Variants in STEAP4 observed in about 807,000 individuals in gnomAD.
The protein encoded by STEAP4 is metalloreductase STEAP4.
A neutral mutation model predicts 43.6 loss-of-function variants in STEAP4; 36 were observed. The observed-to-expected ratio is 0.83, with a 90% confidence interval of 0.63 to 1.09. STEAP4 has a LOEUF of 1.09. Ranked by LOEUF, STEAP4 falls within the 50% of genes least tolerant of loss-of-function variation. The probability of loss-of-function intolerance (pLI) is 0.00; values close to 1 mark genes in which losing one functional copy is unlikely to be tolerated. For synonymous variants in STEAP4, 191 were observed against 196.7 expected (o/e 0.97, Z 0.24); for missense variants, 495 against 546.5 (o/e 0.91, Z 0.94).
intron 1 of STEAP4, among the ~76,000 whole-genome samples, chr7:88,300,673 C>CT (rs942874804): frequency 7.3e-5 from 11 of 151,700 alleles, no homozygotes; most frequent in South Asian, 4.2e-4. Context: ...CAAATCAGGA[C>CT]TTTTTTTTTC....
chr7:88,274,119 C>T lies in STEAP4; in HGVS notation c.*5279G>A, dbSNP rs1173491881. 6.6e-6 allele frequency: 1 copy of T among 152,182 alleles called. No homozygotes were observed. The highest frequency in any genetic ancestry group is 1.5e-5 in the Non-Finnish European group (1 of 68,042). The allele number at this position is 152,182 out of a possible 1,614,324, so 9.4% of individuals were successfully genotyped here. A position where few individuals can be genotyped will look rare whatever the true frequency, so the allele number is the denominator to read the frequency against. On this transcript the variant is annotated 3_prime_UTR_variant, in exon 5 of 5. Coordinates refer to ENST00000380079, the MANE Select transcript of STEAP4 (RefSeq NM_024636.4). The stretch of plus-strand genomic sequence containing the variant: ...GCCTGGAGTCAGACTGCCTAGATCC[C>T]AGCTCTGCCTCTCATTAGTTGTGTG...
intron 1 of STEAP4, among the ~76,000 whole-genome samples, chr7:88,300,251 G>A (rs1055760499): frequency 3.3e-5 from 5 of 152,094 alleles, no homozygotes; most frequent in African/African-American, 9.7e-5. Context: ...CTCTGTCGCC[G>A]AAGCTGGAGT....
At chr7:88,296,429 A>G (rs1413896611) in intron 1 of STEAP4, among the ~76,000 whole-genome samples, 1 of 152,170 alleles carries the variant, frequency 6.6e-6, no homozygotes, top group Non-Finnish European at 1.5e-5. Flanking sequence ...AAACTGTTTA[A>G]GATGTGACAG....
chr7:88,304,544 T>A (rs575616609), intron 1 of STEAP4, among the ~76,000 whole-genome samples: 13 of 152,164 alleles, frequency 8.5e-5, no homozygotes, highest in Non-Finnish European at 1.8e-4. Flanking sequence ...ACTAGCAAAT[T>A]ACCTTCTCAG....
intron 1 of STEAP4, among the ~76,000 whole-genome samples, chr7:88,295,484 T>C (rs1418756166): frequency 6.6e-6 from 1 of 152,138 alleles, no homozygotes; most frequent in Non-Finnish European, 1.5e-5. Flanking sequence ...GGGTAGAGCC[T>C]GGGCACTTTT....
intron 1 of STEAP4, among the ~76,000 whole-genome samples, chr7:88,287,668 G>A (rs1852759807): frequency 6.6e-6 from 1 of 152,192 alleles, no homozygotes; most frequent in Non-Finnish European, 1.5e-5. Flanking sequence ...AATCTGGGTG[G>A]TGTCAGCTGA....
At chr7:88,280,145 C>T (rs1852592707) in intron 4 of STEAP4, among the ~76,000 whole-genome samples, 8 of 152,176 alleles carry the variant, frequency 5.3e-5, no homozygotes, top group Admixed American at 5.2e-4. Flanking sequence ...AACAAAACTG[C>T]TAATGAGAAC....
chr7:88,281,632 C>T (rs1852622129), intron 3 of STEAP4: 2 of 152,174 alleles, frequency 1.3e-5, no homozygotes, highest in African/African-American at 4.8e-5. Context: ...ATAGAAGCAT[C>T]ATTAATGACT....
chr7:88,289,154 A>G (rs1425479913), intron 1 of STEAP4, among the ~76,000 whole-genome samples: 2 of 152,044 alleles, frequency 1.3e-5, no homozygotes, highest in Non-Finnish European at 2.9e-5. Flanking sequence ...TAACTACCAC[A>G]GTCTAGGAAA....
At chr7:88,298,210 TA>T (rs1563503755) in intron 1 of STEAP4, 3 of 152,032 alleles carry the variant, frequency 2.0e-5, no homozygotes. Context: ...TACTGACATT[TA>T]AAGATAATTT....
intron 1 of STEAP4, among the ~76,000 whole-genome samples, chr7:88,297,639 T>G (rs944866707): frequency 6.6e-6 from 1 of 152,114 alleles, no homozygotes; most frequent in Non-Finnish European, 1.5e-5. Context: ...GTGGGCATCA[T>G]GTATTTTATC....
At position 88,271,831 on chromosome 7, in the gene STEAP4, A is replaced by G. The variant is rs560644550; in HGVS notation, c.*7567T>C. On this transcript the variant is annotated 3_prime_UTR_variant, in exon 5 of 5. Coordinates refer to ENST00000380079, the MANE Select transcript of STEAP4 (RefSeq NM_024636.4). Reference sequence around the variant, plus strand: ...TACGTTTCCACAGCCTCACCCACAGAATGTGTGCTCAAACATTTGGATTTT... The same window carrying G: ...TACGTTTCCACAGCCTCACCCACAGGATGTGTGCTCAAACATTTGGATTTT... 1 of 152,350 alleles carries G rather than the reference A, an allele frequency of 6.6e-6. No individual in the cohort carries two copies. Among genetic ancestry groups the G allele is most frequent in the South Asian group, 2.1e-4 (1 of 4,826 alleles). 9.4% of individuals were successfully genotyped at this position (152,350 alleles called of 1,614,324 possible).
intron 1 of STEAP4, among the ~76,000 whole-genome samples, chr7:88,295,639 G>A (rs1852912243): frequency 1.3e-5 from 2 of 152,294 alleles, no homozygotes; most frequent in South Asian, 4.1e-4. Context: ...CAGCTGAGGA[G>A]CCGTTAAAAT....
Position 88,272,732 on chromosome 7 carries a change from A to G in STEAP4, c.*6666T>C, listed in dbSNP as rs1275446417. 1.3e-5 allele frequency: 2 copies of G among 152,262 alleles called. No individual in the cohort carries two copies. Among genetic ancestry groups the G allele is most frequent in the Non-Finnish European group, 2.9e-5 (2 of 68,048 alleles). The allele number at this position is 152,262 out of a possible 1,614,324, so 9.4% of individuals were successfully genotyped here. A position where few individuals can be genotyped will look rare whatever the true frequency, so the allele number is the denominator to read the frequency against. ...AATGAAACAAAAATTACTGGCCCCC[A>G]TCTCTGATAGTTGGTGAGGCACTGC... On this transcript the variant is annotated 3_prime_UTR_variant, in exon 5 of 5. Coordinates refer to ENST00000380079, the MANE Select transcript of STEAP4 (RefSeq NM_024636.4).
chr7:88,282,761 A>G lies in STEAP4; in HGVS notation c.864T>C (p.Leu288=). The change falls in exon 3 of 5, where the codon CTT becomes CTC. Residue 288 remains leucine (L), a synonymous_variant. Transcript: ENST00000380079. ...CTACCAAGCCAAGCTGCTTTCGGCAAAGCATCCAGTGGTCAAGCCAGTCTG... is the reference window on the plus strand; with the variant it reads ...CTACCAAGCCAAGCTGCTTTCGGCAGAGCATCCAGTGGTCAAGCCAGTCTG... ...RFPDWLDHWM[L]CRKQLGLVAL... is the part of the protein sequence containing the mutation. 1.2e-6 allele frequency: 2 copies of G among 1,614,160 alleles called. No individual in the cohort carries two copies. Among genetic ancestry groups the G allele is most frequent in the South Asian group, 2.2e-5 (2 of 91,088 alleles).
Position 88,278,768 on chromosome 7 carries a change from T to C in STEAP4, c.*630A>G, listed in dbSNP as rs1176184335. On this transcript the variant is annotated 3_prime_UTR_variant, in exon 5 of 5. Transcript: ENST00000380079. ...ACGTATGTATCCAAGACATGGATAC[T>C]TTTAATCAATTGTAAATTTTTCTTG... The C allele has an allele frequency of 6.5e-6, 1 of 153,906 alleles. No homozygotes were observed. The highest frequency in any genetic ancestry group is 1.4e-5 in the Non-Finnish European group (1 of 69,128). The allele number at this position is 153,906 out of a possible 1,614,324, so 9.5% of individuals were successfully genotyped here.
intron 1 of STEAP4, among the ~76,000 whole-genome samples, chr7:88,288,313 G>A (rs1852773777): frequency 6.6e-6 from 1 of 152,126 alleles, no homozygotes; most frequent in African/African-American, 2.4e-5. Context: ...TGGGATTATA[G>A]GCATGTGCCA....
At chr7:88,280,437 A>C (rs1406730481) in intron 4 of STEAP4, among the ~76,000 whole-genome samples, 1 of 152,204 alleles carries the variant, frequency 6.6e-6, no homozygotes, top group Non-Finnish European at 1.5e-5. Flanking sequence ...CCACTGGTCT[A>C]CAAGAATGTG....
Position 88,284,008 on chromosome 7 carries a change from A to T in STEAP4, c.262T>A (p.Phe88Ile). The change falls in exon 2 of 5, where the codon TTT becomes ATT. Residue 88 changes from phenylalanine to isoleucine, a missense_variant. Coordinates refer to ENST00000380079, the MANE Select transcript of STEAP4 (RefSeq NM_024636.4). ...IIAIHREHYD[F>I]LTELTEVLNG... ...AGAACCTCAGTTAATTCTGTGAGAA[A>T]ATCATAATGCTCTCTGTGGATTGCT... 2 of 1,614,112 alleles carry T rather than the reference A, an allele frequency of 1.2e-6. No individual in the cohort carries two copies. Among genetic ancestry groups the T allele is most frequent in the Admixed American group, 1.7e-5 (1 of 59,990 alleles).
Sources: allele counts gnomAD v4.1 joint callset (sites outside exome capture counted in the v4.1 genomes callset), GRCh38; gene constraint gnomAD v4.1.1; transcripts MANE v1.5; gene names NCBI Gene and HGNC (gene_info 2026-07-23, HGNC 2026-07-21).